The following KCNIP4 variants were observed in gnomAD, a reference collection of about 807,000 sequenced individuals.
KCNIP4 encodes the protein potassium voltage-gated channel interacting protein 4.
A neutral mutation model predicts 34.0 loss-of-function variants in KCNIP4; 12 were observed. That is an observed-to-expected ratio of 0.35 (90% confidence interval 0.23 to 0.57). KCNIP4 has a LOEUF of 0.57. KCNIP4 is among the 20% of genes least tolerant of loss of function. The pLI is 0.83. For missense variants in KCNIP4, 238 were observed against 311.7 expected (o/e 0.76, Z 1.78); for synonymous variants, 124 against 102.2 (o/e 1.21, Z -1.29).
intron 1 of KCNIP4, among the ~76,000 whole-genome samples, chr4:21,664,259 T>C (rs1748667409): frequency 6.6e-6 from 1 of 152,134 alleles, no homozygotes; most frequent in Non-Finnish European, 1.5e-5. Flanking sequence ...GGTCTTCTGA[T>C]ACCTCTATTG....
chr4:20,978,339 T>C lies in KCNIP4; in HGVS notation c.62-95630A>G, dbSNP rs557327051. 1.1e-3 allele frequency among the ~76,000 whole-genome samples: 173 copies of C among 152,364 alleles called. 2 individuals are homozygous for C. The highest frequency in any genetic ancestry group is 1.9e-3 in the Admixed American group (29 of 15,298). ...GAAAGTGATACTGGAAGTTACTTAT[T>C]ATGTGGGATAAATAGATATGAACTG... is the stretch of plus-strand genomic sequence containing the variant. On this transcript the variant is annotated intron_variant, in intron 1 of 8. Transcript: ENST00000382152.
At chr4:20,876,679 A>G (rs1474859189) in intron 2 of KCNIP4, among the ~76,000 whole-genome samples, 5 of 152,066 alleles carry the variant, frequency 3.3e-5, no homozygotes, top group Non-Finnish European at 5.9e-5. Context: ...AGTTCAAGTG[A>G]TTCTCCTGCC....
intron 1 of KCNIP4, among the ~76,000 whole-genome samples, chr4:21,435,281 G>T (rs1477534852): frequency 9.2e-5 from 14 of 152,136 alleles, no homozygotes; most frequent in Admixed American, 3.9e-4. Context: ...AGTGGGTGAA[G>T]CTTTTTAAAA....
chr4:21,241,332 A>G lies in KCNIP4; in HGVS notation c.62-358623T>C, dbSNP rs555295340. Among the ~76,000 whole-genome samples the G allele has an allele frequency of 5.9e-5, 9 of 152,310 alleles. No homozygotes were observed. The East Asian group carries it at 1.3e-3, about 23-fold the overall frequency. On this transcript the variant is annotated intron_variant, in intron 1 of 8. Transcript: ENST00000382152. ...CTTAAAAATTTTTTTTCTAAAGTTT[A>G]TATGGGTTTTCTTTGCAATCAGTTA...
chr4:21,815,597 C>T (rs1357506626), intron 1 of KCNIP4, among the ~76,000 whole-genome samples: 1 of 152,030 alleles, frequency 6.6e-6, no homozygotes, highest in Non-Finnish European at 1.5e-5. Context: ...TGTGGGTGTG[C>T]AGACTGACAT....
At chr4:20,900,585 T>A (rs1164184118) in intron 1 of KCNIP4, among the ~76,000 whole-genome samples, 2 of 152,146 alleles carry the variant, frequency 1.3e-5, no homozygotes, top group African/African-American at 4.8e-5. Flanking sequence ...ACTAAAGCAA[T>A]CTGAAGTGCC....
intron 1 of KCNIP4, among the ~76,000 whole-genome samples, chr4:21,810,412 T>C (rs1036674097): frequency 6.6e-6 from 1 of 152,056 alleles, no homozygotes; most frequent in African/African-American, 2.4e-5. Flanking sequence ...AGAATTTGGC[T>C]GGGCGCGGTG....
intron 1 of KCNIP4, among the ~76,000 whole-genome samples, chr4:21,924,640 T>C (rs1217065225): frequency 6.6e-6 from 1 of 152,184 alleles, no homozygotes; most frequent in Admixed American, 6.5e-5. Context: ...AAGAGCAACT[T>C]TACTGGCTGT....
intron 1 of KCNIP4, among the ~76,000 whole-genome samples, chr4:21,073,884 A>G (rs1048266084): frequency 7.9e-5 from 12 of 152,150 alleles, no homozygotes; most frequent in African/African-American, 2.9e-4. Flanking sequence ...TTCTGCATCT[A>G]TTGAGATAAT....
At chr4:20,864,611 G>A (rs1462851127) in intron 2 of KCNIP4, among the ~76,000 whole-genome samples, 1 of 151,980 alleles carries the variant, frequency 6.6e-6, no homozygotes, top group Non-Finnish European at 1.5e-5. Flanking sequence ...CAGAGCAGGA[G>A]AGAGGATGAT....
chr4:21,699,686 A>G (rs1416404146), intron 1 of KCNIP4, among the ~76,000 whole-genome samples: 1 of 152,162 alleles, frequency 6.6e-6, no homozygotes, highest in East Asian at 1.9e-4. Flanking sequence ...GGCTGCTGAA[A>G]CATGCTGAGC....
chr4:21,090,166 G>A (rs541847160), intron 1 of KCNIP4, among the ~76,000 whole-genome samples: 6 of 152,038 alleles, frequency 3.9e-5, no homozygotes, highest in Non-Finnish European at 4.4e-5. Context: ...TTCCCTCACC[G>A]AGCTCATCTC....
At chr4:20,988,870 T>C (rs575250514) in intron 1 of KCNIP4, among the ~76,000 whole-genome samples, 16 of 152,226 alleles carry the variant, frequency 1.1e-4, no homozygotes, top group Non-Finnish European at 2.1e-4. Flanking sequence ...AGTATTCCCT[T>C]CTGCTCTCCT....
chr4:20,854,808 G>A (rs895486149), intron 2 of KCNIP4, among the ~76,000 whole-genome samples: 4 of 152,144 alleles, frequency 2.6e-5, no homozygotes, highest in African/African-American at 9.7e-5. Context: ...GGGGCCTAGA[G>A]GATATTCTAT....
intron 1 of KCNIP4, among the ~76,000 whole-genome samples, chr4:21,810,677 G>A (rs532202012): frequency 8.8e-4 from 107 of 121,336 alleles, no homozygotes; most frequent in Non-Finnish European, 1.5e-3. Flanking sequence ...GCGACAGAGC[G>A]AGACTCCGTC....
intron 1 of KCNIP4, among the ~76,000 whole-genome samples, chr4:21,209,615 C>CTATTTATCTATCTATG (rs1560176195): frequency 8.6e-5 from 13 of 151,586 alleles, no homozygotes; most frequent in African/African-American, 3.2e-4. Context: ...ATCTATCTAT[C>CTATTTATCTATCTATG]TATTTATCTA....
chr4:21,192,170 T>C (rs1436967547), intron 1 of KCNIP4, among the ~76,000 whole-genome samples: 1 of 152,192 alleles, frequency 6.6e-6, no homozygotes, highest in Non-Finnish European at 1.5e-5. Flanking sequence ...CAGCAGGTAA[T>C]GTCAGCATTT....
intron 3 of KCNIP4, among the ~76,000 whole-genome samples, chr4:20,806,542 G>T (rs184540144): frequency 6.0e-5 from 9 of 150,602 alleles, no homozygotes; most frequent in Non-Finnish European, 1.0e-4. Context: ...TTATTATATA[G>T]ATCCTGTTCT....
chr4:21,434,988 A>C (rs1471759108), intron 1 of KCNIP4, among the ~76,000 whole-genome samples: 1 of 152,132 alleles, frequency 6.6e-6, no homozygotes, highest in Non-Finnish European at 1.5e-5. Flanking sequence ...TTAGATGAAA[A>C]GTGTCTTGTA....
Sources: gnomAD v4.1 joint callset for allele counts (sites outside exome capture counted in the v4.1 genomes callset) on GRCh38, gnomAD v4.1.1 for gene constraint, MANE v1.5 for transcripts, NCBI Gene and HGNC (gene_info 2026-07-23, HGNC 2026-07-21) for gene names.